Variants in PPARD observed in about 807,000 individuals in gnomAD.
The protein encoded by PPARD is peroxisome proliferator-activated receptor delta.
PPARD carries 6 observed loss-of-function variants against 39.5 expected under a neutral mutation model. The ratio of observed to expected loss-of-function variants is 0.15; its 90% CI spans 0.08 to 0.30. The LOEUF is 0.30. PPARD is among the 10% of genes least tolerant of loss of function. PPARD has a pLI of 1.00. For synonymous variants in PPARD, 210 were observed against 231.3 expected (o/e 0.91, Z 0.83); for missense variants, 397 against 596.8 (o/e 0.67, Z 3.49).
At chr6:35,423,052 T>TCC (rs1766287854) in intron 5 of PPARD, among the ~76,000 whole-genome samples, 1 of 9,182 alleles carries the variant, frequency 1.1e-4, no homozygotes, top group Admixed American at 1.9e-3. Context: ...ACCTCATCTC[T>TCC]ACAAAAAAAA....
rs756560599 is a variant in PPARD at position 35,424,654 on chromosome 6, G to A, written c.953G>A (p.Arg318His). Residue 318 changes from arginine to histidine, a missense_variant, in exon 7 of 8, where the codon CGC becomes CAC. Transcript: ENST00000360694. The surrounding 1 kb of genome is among the most constrained non-coding windows in gnomAD (Gnocchi z 7.1). ...GSGFVTREFL[R>H]SLRKPFSDII... ...GGCTTTGTCACCCGTGAGTTCCTGC[G>A]CAGCCTCCGCAAACCCTTCAGTGAT... The A allele has an allele frequency of 7.4e-6, 12 of 1,614,186 alleles. No homozygotes were observed. The highest frequency in any genetic ancestry group is 2.2e-5 in the East Asian group (1 of 44,884).
chr6:35,415,657 T>C (rs1218948893), intron 3 of PPARD, among the ~76,000 whole-genome samples: 1 of 152,148 alleles, frequency 6.6e-6, no homozygotes, highest in Non-Finnish European at 1.5e-5. Context: ...GTACTGAACA[T>C]GTAGGTATGC....
Position 35,420,290 on chromosome 6 carries a change from T to A in PPARD, c.285+9T>A. On this transcript the variant is annotated intron_variant, in intron 4 of 7. Coordinates refer to ENST00000360694, the MANE Select transcript of PPARD (RefSeq NM_006238.5). ...CATGTGAGGGGTGCAAGGTACGGAC[T>A]GGGGGGAGCGGTGGCTGGCCACTGA... 1 of 1,534,770 alleles carries A rather than the reference T, an allele frequency of 6.5e-7. No individual in the cohort carries two copies. The highest frequency in any genetic ancestry group is 8.8e-7 in the Non-Finnish European group (1 of 1,139,718).
intron 2 of PPARD, among the ~76,000 whole-genome samples, chr6:35,362,440 TCCTG>T (rs1761976572): frequency 7.2e-6 from 1 of 137,970 alleles, no homozygotes; most frequent in Non-Finnish European, 1.5e-5. Flanking sequence ...TACTCACCAC[TCCTG>T]CCTTTTTTTT....
At chr6:35,408,954 C>T (rs190221439) in intron 2 of PPARD, among the ~76,000 whole-genome samples, 60 of 151,948 alleles carry the variant, frequency 3.9e-4, no homozygotes, top group African/African-American at 1.4e-3. Context: ...CTTTCTGCTT[C>T]GGGGATCTGG....
At chr6:35,347,504 ACTTTCGT>A (rs1562163822) in intron 2 of PPARD, among the ~76,000 whole-genome samples, 1 of 152,022 alleles carries the variant, frequency 6.6e-6, no homozygotes, top group East Asian at 1.9e-4. Context: ...AAATGAACGA[ACTTTCGT>A]CTTTGCCTAT....
At chr6:35,357,992 TA>T (rs1194870118) in intron 2 of PPARD, among the ~76,000 whole-genome samples, 1 of 152,176 alleles carries the variant, frequency 6.6e-6, no homozygotes, top group Admixed American at 6.5e-5. Context: ...GGTGGTAAGC[TA>T]AATAGTGGCC....
intron 2 of PPARD, among the ~76,000 whole-genome samples, chr6:35,391,092 GAT>G (rs755699112): frequency 2.0e-5 from 3 of 152,152 alleles, no homozygotes; most frequent in Non-Finnish European, 4.4e-5. Context: ...AATATATTGT[GAT>G]ATATGATTGT....
At chr6:35,362,255 T>A (rs1582301497) in intron 2 of PPARD, among the ~76,000 whole-genome samples, 1 of 152,134 alleles carries the variant, frequency 6.6e-6, no homozygotes, top group East Asian at 1.9e-4. Context: ...CGACCTCCTC[T>A]CCCATTTGTG....
rs144981173 is a variant in PPARD at position 35,361,259 on chromosome 6, G to A, written c.-102+14109G>A. Reference sequence around the variant, plus strand: ...TCATACATGTAAAGGCACAGAGGAGGCACTCACTGAATGATGATTGTTTCA... The same window carrying A: ...TCATACATGTAAAGGCACAGAGGAGACACTCACTGAATGATGATTGTTTCA... On this transcript the variant is annotated intron_variant, in intron 2 of 7. Coordinates refer to ENST00000360694, the MANE Select transcript of PPARD (RefSeq NM_006238.5). Among the ~76,000 whole-genome samples the A allele has an allele frequency of 2.8e-3, 422 of 152,282 alleles. 3 individuals carry two copies. Among genetic ancestry groups the A allele is most frequent in the African/African-American group, 9.4e-3 (392 of 41,544 alleles).
chr6:35,380,476 G>GTTTTTTTTTTTTTTTTT lies in PPARD; in HGVS notation c.-101-30497_-101-30481dup, dbSNP rs71002557. ...AACCTCGTGTTTTTTTTTTTTGTTT[G>GTTTTTTTTTTTTTTTTT]TTTTTTTTTTTTTTTTTTTTTTTTT... On this transcript the variant is annotated intron_variant, in intron 2 of 7. Transcript: ENST00000360694. 2.0e-3 allele frequency among the ~76,000 whole-genome samples: 131 copies of GTTTTTTTTTTTTTTTTT among 67,126 alleles called. 2 individuals carry two copies. Among genetic ancestry groups the GTTTTTTTTTTTTTTTTT allele is most frequent in the Non-Finnish European group, 3.0e-3 (109 of 35,854 alleles). 44.0% of individuals were successfully genotyped at this position (67,126 alleles called of 152,430 possible). A position where few individuals can be genotyped will look rare whatever the true frequency, so the allele number is the denominator to read the frequency against.
rs551946022 is a variant in PPARD, at chr6:35,365,130, C to CTTTTTTTTTTTT, written c.-102+17989_-102+18000dup. On this transcript the variant is annotated intron_variant, in intron 2 of 7. Coordinates refer to ENST00000360694, the MANE Select transcript of PPARD (RefSeq NM_006238.5). ...ACCAGACATGTAGAGCTTCCTTATT[C>CTTTTTTTTTTTT]TTTTTTTTTTTTTTTTTTTTGAGAT... Among the ~76,000 whole-genome samples, 23 of 121,078 alleles carry CTTTTTTTTTTTT rather than the reference C, an allele frequency of 1.9e-4. 1 individual carries two copies. The highest frequency in any genetic ancestry group is 6.5e-4 in the African/African-American group (19 of 29,084). 79.4% of individuals were successfully genotyped at this position (121,078 alleles called of 152,430 possible).
At chr6:35,374,881 C>G (rs879778457) in intron 2 of PPARD, among the ~76,000 whole-genome samples, 6 of 151,996 alleles carry the variant, frequency 3.9e-5, no homozygotes, top group Non-Finnish European at 8.8e-5. Context: ...GACAGTTGCC[C>G]TCTATTTCTT....
chr6:35,424,614 G>T lies in PPARD; in HGVS notation c.913G>T (p.Val305Leu). 1 of 1,614,254 alleles carries T rather than the reference G, an allele frequency of 6.2e-7. No individual in the cohort carries two copies. The highest frequency in any genetic ancestry group is 1.1e-5 in the South Asian group (1 of 91,084). ...ASIVNKDGLL[V>L]ANGSGFVTRE... ...TATCGTCAACAAGGACGGGCTGCTG[G>T]TAGCCAACGGCAGTGGCTTTGTCAC... is the stretch of plus-strand genomic sequence containing the variant. The change falls in exon 7 of 8, where the codon GTA (valine) becomes TTA (leucine). Residue 305 changes from valine (V) to leucine (L), a missense_variant. By Grantham distance (32) the Val-to-Leu change is conservative. Coordinates refer to ENST00000360694, the MANE Select transcript of PPARD (RefSeq NM_006238.5). This position sits in a 1 kb window ranked among gnomAD's most constrained non-coding sequence, Gnocchi z 7.1.
chr6:35,413,883 T>C (rs1765584971), intron 3 of PPARD, among the ~76,000 whole-genome samples: 1 of 151,994 alleles, frequency 6.6e-6, no homozygotes. Context: ...GGGGTTCCAC[T>C]GTGTTGGCCA....
rs986236226 is a variant in PPARD at position 35,401,680 on chromosome 6, G to T, written c.-101-9307G>T. On this transcript the variant is annotated intron_variant, in intron 2 of 7. Transcript: ENST00000360694. The surrounding 1 kb of genome is among the most constrained non-coding windows in gnomAD (Gnocchi z 4.1). ...AAGGTCCTCAGGAAAGCGTCTCCTG[G>T]CCACTCGCACCTGACTCATGTGCTC... Among the ~76,000 whole-genome samples the T allele has an allele frequency of 2.0e-5, 3 of 152,156 alleles. No individual in the cohort carries two copies. The highest frequency in any genetic ancestry group is 4.4e-5 in the Non-Finnish European group (3 of 68,034).
rs887829921 is a variant in PPARD at position 35,412,089 on chromosome 6, C to T, written c.130+872C>T. On this transcript the variant is annotated intron_variant, in intron 3 of 7. Coordinates refer to ENST00000360694, the MANE Select transcript of PPARD (RefSeq NM_006238.5). This position sits in a 1 kb window ranked among gnomAD's most constrained non-coding sequence, Gnocchi z 4.1. ...GATTATAGGCGTGCACCACCACGCC[C>T]GGCTAATTTTTGTATTTTTTTAGTA... is the stretch of plus-strand genomic sequence containing the variant. Among the ~76,000 whole-genome samples, 7 of 151,990 alleles carry T rather than the reference C, an allele frequency of 4.6e-5. No homozygotes were observed. The highest frequency in any genetic ancestry group is 1.3e-4 in the Admixed American group (2 of 15,238).
At chr6:35,354,738 A>G (rs1273997926) in intron 2 of PPARD, among the ~76,000 whole-genome samples, 6 of 152,168 alleles carry the variant, frequency 3.9e-5, no homozygotes, top group African/African-American at 1.2e-4. Flanking sequence ...GCAGTAGGCT[A>G]TGCTAAGTAA....
intron 2 of PPARD, among the ~76,000 whole-genome samples, chr6:35,378,113 C>T (rs77565710): frequency 3.9e-5 from 6 of 152,138 alleles, no homozygotes; most frequent in African/African-American, 7.2e-5. Flanking sequence ...CCGCCCGCCT[C>T]GGCCTCCCAA....
Sources: gnomAD v4.1 joint callset for allele counts (sites outside exome capture counted in the v4.1 genomes callset) on GRCh38, gnomAD v4.1.1 for gene constraint, Gnocchi (gnomAD v3.1) non-coding constraint, MANE v1.5 for transcripts, NCBI Gene and HGNC (gene_info 2026-07-23, HGNC 2026-07-21) for gene names.